PAX6: variants seen among roughly 807,000 people sequenced by gnomAD.
PAX6 encodes the protein paired box protein Pax-6.
PAX6 carries 7 observed loss-of-function variants against 60.7 expected under a neutral mutation model. The ratio of observed to expected loss-of-function variants is 0.12; its 90% CI spans 0.07 to 0.22. The LOEUF (loss-of-function observed/expected upper bound fraction) is 0.22. Among genes scored for constraint, PAX6 ranks in the 10% least tolerant of loss-of-function variants. The probability of loss-of-function intolerance (pLI) is 1.00; values close to 1 mark genes in which losing one functional copy is unlikely to be tolerated. For missense variants in PAX6, 355 were observed against 555.2 expected, an observed-to-expected ratio of 0.64 and a Z score of 3.62; for synonymous variants, 208 against 201.2, an observed-to-expected ratio of 1.03 and a Z score of -0.29.
At chr11:31,801,848 G>A (rs201034790) in intron 6 of PAX6, 23 bp downstream of exon 6, 2 of 1,613,176 alleles carry the variant, frequency 1.2e-6, no homozygotes, top group Non-Finnish European at 1.7e-6. Context: ...GTTTAAGTAT[G>A]CATTAAACAA....
At chr11:31,813,143 G>C (rs1437814385), upstream of PAX6, 1 of 152,114 alleles carries the variant, frequency 6.6e-6, no homozygotes, top group Non-Finnish European at 1.5e-5. Context: ...GCGCCGGGAG[G>C]AAACCTGGGT....
At chr11:31,806,092 G>A (rs1345829262) in intron 4 of PAX6, 1 of 433,438 alleles carries the variant, frequency 2.3e-6, no homozygotes, top group Admixed American at 4.4e-5. Flanking sequence ...TCAGAGCCCG[G>A]GCAGGGGCGA....
At chr11:31,793,411 A>G in intron 12 of PAX6, 27 bp downstream of exon 12, 2 of 1,597,634 alleles carry the variant, frequency 1.3e-6, no homozygotes, top group Non-Finnish European at 1.7e-6. Flanking sequence ...GGCCTGGGTT[A>G]TGCAGGCCAC....
intron 4 of PAX6, chr11:31,805,160 C>T (rs1433110910): frequency 6.6e-6 from 1 of 152,320 alleles, no homozygotes; most frequent in African/African-American, 2.4e-5. Context: ...CGCGACCCCG[C>T]GCCCCTCGGG....
chr11:31,816,962 A>G (rs1957411383), intron 1 of PAX6, among the ~76,000 whole-genome samples: 1 of 152,304 alleles, frequency 6.6e-6, no homozygotes, highest in African/African-American at 2.4e-5. Context: ...ACCACAAGTT[A>G]GTCTAAGTTT....
rs1161490692 is a variant in PAX6 at position 31,800,423 on chromosome 11, A to G, written c.565+268T>C. 7 of 571,154 alleles carry G rather than the reference A, an allele frequency of 1.2e-5. No individual in the cohort carries two copies. In the East Asian group the frequency reaches 2.1e-4, roughly 17 times the overall value. The allele number at this position is 571,154 out of a possible 1,614,324, so 35.4% of individuals were successfully genotyped here. ...CCACGCAGCTCGTTCTTATGCACAC[A>G]GTGCTGCCCACAAACACACACACGC... On this transcript the variant is annotated intron_variant, in intron 8 of 13. Transcript: ENST00000640368.
At chr11:31,791,250 T>G (rs1393735863) in intron 12 of PAX6, 3 of 363,484 alleles carry the variant, frequency 8.3e-6, no homozygotes, top group Non-Finnish European at 1.6e-5. Context: ...GGGAACCCTA[T>G]GACCCCCAGA....
At chr11:31,810,091 C>T (rs937618187) in intron 2 of PAX6, 1 of 152,344 alleles carries the variant, frequency 6.6e-6, no homozygotes, top group African/African-American at 2.4e-5. Context: ...TCTGAGCTCC[C>T]TCGGAGCGCG....
chr11:31,805,910 G>GT (rs1955643621), intron 4 of PAX6: 1 of 6,118 alleles, frequency 1.6e-4, no homozygotes, highest in African/African-American at 4.0e-3. Context: ...TAGGCCCGTA[G>GT]TGGGGTGAGG....
At position 31,789,938 on chromosome 11, in the gene PAX6, T is replaced by C. The variant is rs780356070; in HGVS notation, c.1307A>G (p.Gln436Arg). The change falls in exon 14 of 14, where the codon CAG becomes CGG. Residue 436 changes from glutamine to arginine, a missense_variant. Physicochemically the swap from Gln to Arg is conservative, Grantham distance 43. This residue lies in a region of PAX6 where 149 missense variants were observed against 191.9 expected (regional missense o/e 0.78). Transcript: ENST00000640368. ...PDMSQYWPRL[Q>R] ...TTTTTTTTTTTTTTTTTTTTTTTAC[T>C]GTAATCTTGGCCAGTATTGAGACAT... 10 of 1,439,176 alleles carry C rather than the reference T, an allele frequency of 6.9e-6. No individual in the cohort carries two copies. Among genetic ancestry groups the C allele is most frequent in the African/African-American group, 1.5e-5 (1 of 65,068 alleles). The allele number at this position is 1,439,176 out of a possible 1,614,324, so 89.2% of individuals were successfully genotyped here. A position where few individuals can be genotyped will look rare whatever the true frequency, so the allele number is the denominator to read the frequency against.
At position 31,811,168 on chromosome 11, in the gene PAX6, G is replaced by A. The variant is rs1956978963; in HGVS notation, c.-370C>T. ...GTTAATGTGTGTGTGCCGGCGCCCG[G>A]CCTCGCCTCCACCGCTCCTCACTGG... On this transcript the variant is annotated 5_prime_UTR_variant, in exon 1 of 14. Transcript: ENST00000640368. 2.5e-6 allele frequency: 1 copy of A among 399,304 alleles called. No homozygotes were observed. The allele number at this position is 399,304 out of a possible 1,614,324, so 24.7% of individuals were successfully genotyped here. A position where few individuals can be genotyped will look rare whatever the true frequency, so the allele number is the denominator to read the frequency against.
intron 1 of PAX6, chr11:31,816,659 T>G: frequency 1.4e-6 from 1 of 701,506 alleles, no homozygotes; most frequent in Middle Eastern, 2.4e-4. Context: ...GCGGCCGGAC[T>G]GCCACTGCGC....
At chr11:31,791,172 T>G (rs1290346530) in intron 12 of PAX6, 1 of 439,442 alleles carries the variant, frequency 2.3e-6, no homozygotes, top group Non-Finnish European at 4.3e-6. Context: ...CTAGCATCTT[T>G]GAAGAACCTA....
intron 2 of PAX6, chr11:31,807,308 G>C (rs1385477711): frequency 3.9e-5 from 6 of 152,656 alleles, no homozygotes; most frequent in African/African-American, 1.4e-4. Flanking sequence ...TGGAGACCAG[G>C]GGAAGGGAAC....
intron 4 of PAX6, chr11:31,804,343 TC>T: frequency 6.6e-6 from 1 of 152,298 alleles, no homozygotes; most frequent in Non-Finnish European, 1.5e-5. Context: ...ACCCTTTCCG[TC>T]CTTATTTGTA....
At chr11:31,797,983 T>TGAGTGAGAGA (rs1952183787) in intron 8 of PAX6, among the ~76,000 whole-genome samples, 2 of 148,192 alleles carry the variant, frequency 1.3e-5, no homozygotes. Context: ...TGGAAGGAGG[T>TGAGTGAGAGA]GAGAGAGAGA....
At chr11:31,793,171 A>G (rs566944935) in intron 12 of PAX6, 42 of 634,958 alleles carry the variant, frequency 6.6e-5, no homozygotes, top group Non-Finnish European at 4.9e-5. Flanking sequence ...ACCACCCAAC[A>G]TTATCAAGGT....
intron 8 of PAX6, among the ~76,000 whole-genome samples, chr11:31,795,167 A>ATTAT (rs1951133860): frequency 1.3e-5 from 2 of 152,350 alleles, no homozygotes; most frequent in South Asian, 4.1e-4. Context: ...AGTGATGTTC[A>ATTAT]AGATTTCAGT....
At chr11:31,799,285 C>T (rs915635601) in intron 8 of PAX6, among the ~76,000 whole-genome samples, 4 of 152,008 alleles carry the variant, frequency 2.6e-5, no homozygotes, top group South Asian at 2.1e-4. Flanking sequence ...GTTCGGGGCC[C>T]GTGCGGGCGG....
Sources: gnomAD v4.1 joint callset for allele counts (sites outside exome capture counted in the v4.1 genomes callset) on GRCh38, gnomAD v4.1.1 for gene constraint, gnomAD v4.1.1 regional missense constraint, MANE v1.5 for transcripts, NCBI Gene and HGNC (gene_info 2026-07-23, HGNC 2026-07-21) for gene names.